Variants in LAMP1 observed in about 807,000 individuals in gnomAD.
The protein encoded by LAMP1 is lysosome associated membrane protein 1.
LAMP1 carries 7 observed loss-of-function variants against 37.5 expected under a neutral mutation model. The observed-to-expected ratio is 0.19, with a 90% CI of 0.11 to 0.35. The LOEUF (loss-of-function observed/expected upper bound fraction) is 0.35, where lower values mean the gene tolerates loss of function less well. Among genes scored for constraint, LAMP1 ranks in the 10% least tolerant of loss-of-function variants. The probability of loss-of-function intolerance (pLI) is 1.00; values close to 1 mark genes in which losing one functional copy is unlikely to be tolerated. For missense variants in LAMP1, 537 were observed against 552.8 expected, an observed-to-expected ratio of 0.97 and a Z score of 0.29; for synonymous variants, 236 against 229.1, an observed-to-expected ratio of 1.03 and a Z score of -0.27.
chr13:113,313,073 T>C (rs751096667), intron 4 of LAMP1, among the ~76,000 whole-genome samples: 2 of 152,176 alleles, frequency 1.3e-5, no homozygotes, highest in Non-Finnish European at 1.5e-5. Flanking sequence ...GACTCCCTAC[T>C]GGCTAGGCCT....
intron 4 of LAMP1, among the ~76,000 whole-genome samples, chr13:113,316,452 C>T (rs1292590122): frequency 4.0e-5 from 6 of 149,492 alleles, no homozygotes; most frequent in Admixed American, 2.0e-4. Context: ...GGCAGAGTCC[C>T]GCTCTGTCAC....
chr13:113,304,058 G>T (rs897507810), intron 1 of LAMP1, among the ~76,000 whole-genome samples: 1 of 151,982 alleles, frequency 6.6e-6, no homozygotes. Flanking sequence ...GTGAGACTCA[G>T]TCTCTAAAAA....
At position 113,310,852 on chromosome 13, in the gene LAMP1, A is replaced by G. The variant is rs2042627338; in HGVS notation, c.547A>G (p.Ser183Gly). 1 of 1,613,444 alleles carries G rather than the reference A, an allele frequency of 6.2e-7. No homozygotes were observed. The highest frequency in any genetic ancestry group is 8.5e-7 in the Non-Finnish European group (1 of 1,179,894). Residue 183 changes from serine (S) to glycine (G), a missense_variant, in exon 4 of 9, where the codon AGC becomes GGC. Ser to Gly is a moderately conservative substitution (Grantham distance 56, BLOSUM62 0). Transcript: ENST00000332556. ...CATCCAGGCGTACCTTTCCAACAGC[A>G]GCTTCAGCCGGGGAGGTAGGACGCT... ...ATIQAYLSNS[S>G]FSRGETRCEQ...
intron 8 of LAMP1, 148 bp from the exon 9 acceptor site, chr13:113,322,134 C>T (rs536614019): frequency 2.3e-6 from 2 of 874,484 alleles, no homozygotes; most frequent in African/African-American, 3.3e-5. Context: ...GCAGCGGCTT[C>T]CCCAAGTGAC....
rs2042625357 is a variant in LAMP1 at position 113,310,609 on chromosome 13, A to G, written c.404-100A>G. On this transcript the variant is annotated intron_variant, in intron 3 of 8. Transcript: ENST00000332556. ...TTTTTTTTTTTTAATCTAGAAATCA[A>G]GACTGGAATCTATAACTGACATCAG... The G allele has an allele frequency of 5.1e-6, 5 of 984,830 alleles. No homozygotes were observed. The East Asian group carries it at 1.3e-4, about 26-fold the overall frequency. The allele number at this position is 984,830 out of a possible 1,614,324, so 61.0% of individuals were successfully genotyped here.
At chr13:113,301,636 AAAAAAAAAATATATATAT>A (rs1377351643) in intron 1 of LAMP1, among the ~76,000 whole-genome samples, 2 of 24,776 alleles carry the variant, frequency 8.1e-5, no homozygotes, top group African/African-American at 2.2e-4. Flanking sequence ...TTAAAAAAAA[AAAAAAAAAATATATATAT>A]ATATATATAT....
At position 113,320,607 on chromosome 13, in the gene LAMP1, CTTTT is replaced by C; in HGVS notation, c.876+139_876+142del. 1.2e-6 allele frequency: 1 copy of C among 844,404 alleles called. No individual in the cohort carries two copies. Among genetic ancestry groups the C allele is most frequent in the Non-Finnish European group, 1.8e-6 (1 of 557,396 alleles). 52.3% of individuals were successfully genotyped at this position (844,404 alleles called of 1,614,324 possible). ...TTTTCTGCCTTCCCTTTATCCTGGGCTTTTTAGTTCCTTGGTTCCCCTCCCCCCT... is the reference window on the plus strand; with the variant it reads ...TTTTCTGCCTTCCCTTTATCCTGGGCTAGTTCCTTGGTTCCCCTCCCCCCT... On this transcript the variant is annotated intron_variant, in intron 6 of 8. Coordinates refer to ENST00000332556, the MANE Select transcript of LAMP1 (RefSeq NM_005561.4). This position sits in a 1 kb window ranked among gnomAD's most constrained non-coding sequence, Gnocchi z 4.4.
At chr13:113,308,822 C>T (rs9603823) in intron 2 of LAMP1, among the ~76,000 whole-genome samples, 6,652 of 152,160 alleles carry the variant, frequency 0.044, 480 homozygotes, top group African/African-American at 0.15. Flanking sequence ...CGTTAGTATA[C>T]TGCTTCACTG....
At chr13:113,313,222 A>G (rs1285399812) in intron 4 of LAMP1, among the ~76,000 whole-genome samples, 1 of 152,166 alleles carries the variant, frequency 6.6e-6, no homozygotes, top group East Asian at 1.9e-4. Context: ...GTGCCCTGAG[A>G]CGGGTGGCAG....
rs543316240 is a variant in LAMP1, at chr13:113,297,541, G to A, written c.61+46G>A. ...CCTGGGAGCGGCGGGACCGGGCGGA[G>A]CCGAGGTCCCTGGGTCTTGAGGGCG... On this transcript the variant is annotated intron_variant, in intron 1 of 8. Transcript: ENST00000332556. The surrounding 1 kb of genome is among the most constrained non-coding windows in gnomAD (Gnocchi z 4.4). 4.0e-5 allele frequency: 49 copies of A among 1,224,428 alleles called. No homozygotes were observed. In the African/African-American group the frequency reaches 6.1e-4, roughly 15 times the overall value. The allele number at this position is 1,224,428 out of a possible 1,614,324, so 75.8% of individuals were successfully genotyped here. A position where few individuals can be genotyped will look rare whatever the true frequency, so the allele number is the denominator to read the frequency against.
In LAMP1 at chr13:113,307,796, T is replaced by TAAA. The variant is rs56233302; in HGVS notation, c.183+1204_183+1206dup. On this transcript the variant is annotated intron_variant, in intron 2 of 8. Transcript: ENST00000332556. ...ACATAGTAAGATCTTATCTCTTTTT[T>TAAA]AAAAAAAAAAAAAAAAGCCAGACAT... Among the ~76,000 whole-genome samples, 1,398 of 141,666 alleles carry TAAA rather than the reference T, an allele frequency of 9.9e-3. 35 individuals carry two copies. The highest frequency in any genetic ancestry group is 0.034 in the African/African-American group (1,290 of 38,226). 92.9% of individuals were successfully genotyped at this position (141,666 alleles called of 152,430 possible).
In LAMP1 at chr13:113,321,952, A is replaced by G; in HGVS notation, c.1114+225A>G. 1.7e-6 allele frequency: 1 copy of G among 595,438 alleles called. No individual in the cohort carries two copies. Among genetic ancestry groups the G allele is most frequent in the South Asian group, 2.1e-5 (1 of 48,040 alleles). The allele number at this position is 595,438 out of a possible 1,614,324, so 36.9% of individuals were successfully genotyped here. A position where few individuals can be genotyped will look rare whatever the true frequency, so the allele number is the denominator to read the frequency against. ...CCCTGGTACCATTTGAGAGTAAGGG[A>G]ATCATTTTAAGAAACAGTGGTGGCG... On this transcript the variant is annotated intron_variant, in intron 8 of 8. Transcript: ENST00000332556. The surrounding 1 kb of genome is among the most constrained non-coding windows in gnomAD (Gnocchi z 5.6).
intron 8 of LAMP1, 86 bp from the exon 9 acceptor site, chr13:113,322,196 C>G: frequency 6.9e-7 from 1 of 1,442,742 alleles, no homozygotes; most frequent in South Asian, 1.4e-5. Flanking sequence ...TGCCTTTTGG[C>G]TGATGTGGGG....
chr13:113,322,010 A>G, intron 8 of LAMP1: 1 of 585,312 alleles, frequency 1.7e-6, no homozygotes, highest in Non-Finnish European at 3.0e-6. Context: ...CAACACTGTC[A>G]TCTGATGTGC....
chr13:113,307,238 A>G (rs1438374320), intron 2 of LAMP1, among the ~76,000 whole-genome samples: 1 of 149,900 alleles, frequency 6.7e-6, no homozygotes, highest in African/African-American at 2.5e-5. Flanking sequence ...GCTCGCCACA[A>G]CCTCCGTCTC....
At chr13:113,300,678 C>T (rs1163861623) in intron 1 of LAMP1, among the ~76,000 whole-genome samples, 1 of 150,324 alleles carries the variant, frequency 6.7e-6, no homozygotes, top group South Asian at 2.1e-4. Flanking sequence ...GTTAGCCAGG[C>T]GTAGTGGCAC....
intron 8 of LAMP1, chr13:113,322,050 C>T (rs969195004): frequency 2.9e-5 from 17 of 580,444 alleles, no homozygotes; most frequent in South Asian, 6.9e-5. Flanking sequence ...CACAGCTGTC[C>T]GGCCACAGCC....
intron 2 of LAMP1, 145 bp downstream of exon 2, chr13:113,306,751 C>G (rs1406956212): frequency 1.2e-6 from 1 of 868,214 alleles, no homozygotes; most frequent in Non-Finnish European, 1.7e-6. Flanking sequence ...TGTCAGTAAC[C>G]TGCGCTGTCA....
intron 2 of LAMP1, among the ~76,000 whole-genome samples, chr13:113,309,301 A>G (rs999720033): frequency 1.3e-5 from 2 of 151,772 alleles, no homozygotes; most frequent in Non-Finnish European, 1.5e-5. Context: ...GGGTCTTGCT[A>G]TGTTGCCCAG....
Sources: allele counts gnomAD v4.1 joint callset (sites outside exome capture counted in the v4.1 genomes callset), GRCh38; gene constraint gnomAD v4.1.1; non-coding constraint Gnocchi (gnomAD v3.1); transcripts MANE v1.5; gene names NCBI Gene and HGNC (gene_info 2026-07-23, HGNC 2026-07-21).